SNX6: variants seen among roughly 807,000 people sequenced by gnomAD.
SNX6 encodes the protein sorting nexin 6, also known as sorting nexin-6.
SNX6 carries 34 observed loss-of-function variants against 63.0 expected under a neutral mutation model. The observed-to-expected ratio is 0.54, with a 90% CI of 0.41 to 0.72. SNX6 has a LOEUF of 0.72. SNX6 is among the 30% of genes least tolerant of loss of function. The probability of loss-of-function intolerance (pLI) is 0.00; values close to 1 mark genes in which losing one functional copy is unlikely to be tolerated. For synonymous variants in SNX6, 170 were observed against 164.2 expected (o/e 1.04, Z -0.27); for missense variants, 398 against 471.4 (o/e 0.84, Z 1.44).
intron 13 of SNX6, among the ~76,000 whole-genome samples, chr14:34,564,335 T>C (rs1030336811): frequency 6.6e-6 from 1 of 152,212 alleles, no homozygotes; most frequent in African/African-American, 2.4e-5. Context: ...GCCTTCACTG[T>C]AGGATATTTA....
intron 10 of SNX6, 70 bp from the exon 11 acceptor site, chr14:34,575,912 T>A: frequency 3.2e-6 from 3 of 949,074 alleles, no homozygotes; most frequent in Non-Finnish European, 4.7e-6. Context: ...TCCTTCTTTT[T>A]GTTGTTGTTG....
intron 9 of SNX6, among the ~76,000 whole-genome samples, chr14:34,584,143 G>A (rs930946579): frequency 5.3e-5 from 8 of 151,958 alleles, no homozygotes; most frequent in South Asian, 4.1e-4. Context: ...CACTGTGCCC[G>A]GCTGGTGGCA....
chr14:34,608,801 G>A (rs1430938802), intron 3 of SNX6, among the ~76,000 whole-genome samples: 5 of 151,086 alleles, frequency 3.3e-5, no homozygotes, highest in Non-Finnish European at 5.9e-5. Flanking sequence ...GCCGAGGTGG[G>A]TTGGATCACT....
intron 2 of SNX6, among the ~76,000 whole-genome samples, chr14:34,617,634 G>T (rs577383911): frequency 5.4e-4 from 54 of 100,402 alleles, no homozygotes; most frequent in African/African-American, 1.8e-3. Flanking sequence ...AAAAAAAAAA[G>T]ACTTGGACCA....
At chr14:34,575,331 G>A (rs919369045) in intron 11 of SNX6, among the ~76,000 whole-genome samples, 15 of 151,768 alleles carry the variant, frequency 9.9e-5, no homozygotes, top group Non-Finnish European at 2.1e-4. Flanking sequence ...CTCCCAAGTA[G>A]CTGGGATTAC....
intron 2 of SNX6, 38 bp from the exon 3 acceptor site, chr14:34,609,780 T>A (rs1883154548): frequency 7.5e-7 from 1 of 1,325,750 alleles, no homozygotes; most frequent in African/African-American, 1.5e-5. Flanking sequence ...GAAAATCATG[T>A]TTTATATAAT....
chr14:34,566,820 A>G (rs556045513), intron 13 of SNX6, among the ~76,000 whole-genome samples: 4 of 152,324 alleles, frequency 2.6e-5, no homozygotes, highest in South Asian at 4.1e-4. Context: ...CTGTAATCCC[A>G]GCTACTCGGG....
intron 2 of SNX6, among the ~76,000 whole-genome samples, chr14:34,614,449 C>T (rs916956384): frequency 2.0e-5 from 3 of 150,140 alleles, no homozygotes; most frequent in African/African-American, 7.3e-5. Flanking sequence ...AAAAAAAAAA[C>T]CAAAAAACTC....
At chr14:34,572,280 TG>T (rs1881481885) in intron 11 of SNX6, among the ~76,000 whole-genome samples, 1 of 152,144 alleles carries the variant, frequency 6.6e-6, no homozygotes, top group South Asian at 2.1e-4. Flanking sequence ...CACATTTGGC[TG>T]GGAACAGTGG....
chr14:34,570,868 C>G (rs1188046572), intron 11 of SNX6, among the ~76,000 whole-genome samples: 1 of 151,322 alleles, frequency 6.6e-6, no homozygotes, highest in Non-Finnish European at 1.5e-5. Flanking sequence ...GGACTACAGG[C>G]GCCCACCACC....
At chr14:34,621,951 CTTTTTTTT>C (rs1037764907) in intron 2 of SNX6, among the ~76,000 whole-genome samples, 18 of 77,418 alleles carry the variant, frequency 2.3e-4, no homozygotes, top group Admixed American at 6.8e-4. Flanking sequence ...CATGTCTTTC[CTTTTTTTT>C]TTTTTTTTTT....
chr14:34,567,095 G>T (rs540701616), intron 13 of SNX6, among the ~76,000 whole-genome samples: 1 of 148,006 alleles, frequency 6.8e-6, no homozygotes, highest in Non-Finnish European at 1.5e-5. Context: ...GTGGTGGCAC[G>T]CACCTGTAGT....
rs767549308 is a variant in SNX6, at chr14:34,597,667, A to G, written c.517-22T>C. ...TCAACTGAAAGAAAGGTAATTTAACATTTTTAAGGTTACAAATGGAAAGCA... is the reference window on the plus strand; with the variant it reads ...TCAACTGAAAGAAAGGTAATTTAACGTTTTTAAGGTTACAAATGGAAAGCA... On this transcript the variant is annotated intron_variant, in intron 6 of 13. Coordinates refer to ENST00000362031, the MANE Select transcript of SNX6 (RefSeq NM_152233.4). 6 of 1,404,590 alleles carry G rather than the reference A, an allele frequency of 4.3e-6. No homozygotes were observed. The South Asian group carries it at 7.2e-5, about 17-fold the overall frequency. The allele number at this position is 1,404,590 out of a possible 1,614,324, so 87.0% of individuals were successfully genotyped here.
intron 11 of SNX6, among the ~76,000 whole-genome samples, chr14:34,572,620 G>T (rs999880858): frequency 6.6e-6 from 1 of 152,046 alleles, no homozygotes; most frequent in Non-Finnish European, 1.5e-5. Context: ...AATTAACATT[G>T]AATTTGCATT....
intron 6 of SNX6, among the ~76,000 whole-genome samples, chr14:34,600,289 T>C (rs1034886314): frequency 6.6e-6 from 1 of 152,084 alleles, no homozygotes; most frequent in Non-Finnish European, 1.5e-5. Flanking sequence ...CACGTCCAGC[T>C]TATGTTTGCG....
At chr14:34,620,756 C>T (rs1208393422) in intron 2 of SNX6, among the ~76,000 whole-genome samples, 1 of 152,038 alleles carries the variant, frequency 6.6e-6, no homozygotes, top group Non-Finnish European at 1.5e-5. Flanking sequence ...GCCTGGGCAA[C>T]ATAGCGAAAC....
At chr14:34,595,892 CTT>C (rs943529474) in intron 7 of SNX6, among the ~76,000 whole-genome samples, 5 of 152,128 alleles carry the variant, frequency 3.3e-5, no homozygotes, top group Non-Finnish European at 7.3e-5. Context: ...TAAATCAACT[CTT>C]ATACCATTTT....
At chr14:34,600,253 T>A (rs1017185936) in intron 6 of SNX6, among the ~76,000 whole-genome samples, 3 of 152,152 alleles carry the variant, frequency 2.0e-5, no homozygotes, top group African/African-American at 7.2e-5. Context: ...GCCTCCCAAG[T>A]AGCTGGGATT....
At chr14:34,599,773 C>CAAAAAAA in intron 6 of SNX6, among the ~76,000 whole-genome samples, 1 of 129,350 alleles carries the variant, frequency 7.7e-6, no homozygotes, top group East Asian at 2.3e-4. Flanking sequence ...GACTCTGTCT[C>CAAAAAAA]AAAAAAAAAA....
Sources: gnomAD v4.1 joint callset for allele counts (sites outside exome capture counted in the v4.1 genomes callset) on GRCh38, gnomAD v4.1.1 for gene constraint, MANE v1.5 for transcripts, NCBI Gene and HGNC (gene_info 2026-07-23, HGNC 2026-07-21) for gene names.